Variants in IFT57 observed in about 807,000 individuals in gnomAD.
IFT57 encodes the protein intraflagellar transport 57, also known as intraflagellar transport protein 57 homolog.
Under a neutral mutation model 56.8 loss-of-function variants are expected in IFT57, and 59 were observed. The ratio of observed to expected loss-of-function variants is 1.04; its 90% CI spans 0.84 to 1.29. The LOEUF (loss-of-function observed/expected upper bound fraction) is 1.29. Among genes scored for constraint, IFT57 ranks in the 50% most tolerant of loss-of-function variants. IFT57 has a pLI of 0.00. For synonymous variants in IFT57, 209 were observed against 186.1 expected (o/e 1.12, Z -1.00); for missense variants, 470 against 522.1 (o/e 0.90, Z 0.97).
intron 6 of IFT57, 125 bp downstream of exon 6, chr3:108,191,396 A>G: frequency 1.8e-6 from 1 of 562,530 alleles, no homozygotes; most frequent in East Asian, 3.2e-5. Flanking sequence ...TTATTAAGAC[A>G]AAATGCTGAA....
intron 1 of IFT57, among the ~76,000 whole-genome samples, chr3:108,220,960 T>C (rs570368095): frequency 1.4e-4 from 21 of 152,312 alleles, no homozygotes; most frequent in African/African-American, 4.6e-4. Flanking sequence ...ATTTTAAAAA[T>C]ATACTTGGAA....
intron 5 of IFT57, among the ~76,000 whole-genome samples, chr3:108,202,866 G>A (rs887385592): frequency 2.0e-5 from 3 of 152,172 alleles, no homozygotes; most frequent in Non-Finnish European, 2.9e-5. Flanking sequence ...ATCATCAGTA[G>A]GAGGAACATA....
chr3:108,189,453 T>G (rs567603479), intron 6 of IFT57, among the ~76,000 whole-genome samples: 1 of 152,284 alleles, frequency 6.6e-6, no homozygotes, highest in Admixed American at 6.5e-5. Flanking sequence ...ACAGCAATGT[T>G]TGTAAGATTT....
chr3:108,179,117 A>G (rs1038391605), intron 6 of IFT57, among the ~76,000 whole-genome samples: 1 of 151,890 alleles, frequency 6.6e-6, no homozygotes, highest in African/African-American at 2.4e-5. Flanking sequence ...TGCTGACCAT[A>G]CTTTCTGTAG....
chr3:108,171,329 C>T (rs1577047738), intron 6 of IFT57, among the ~76,000 whole-genome samples: 2 of 151,900 alleles, frequency 1.3e-5, no homozygotes, highest in East Asian at 1.9e-4. Context: ...TGGATAGAAG[C>T]CAAATGTAGT....
intron 6 of IFT57, 41 bp downstream of exon 6, chr3:108,191,480 C>T (rs1179635950): frequency 1.7e-6 from 2 of 1,189,072 alleles, no homozygotes; most frequent in South Asian, 1.7e-5. Context: ...TTCCTTATAA[C>T]TTTTTTTTTT....
Position 108,214,000 on chromosome 3 carries a change from T to C in IFT57, c.516A>G (p.Glu172=). 6.2e-7 allele frequency: 1 copy of C among 1,602,310 alleles called. No homozygotes were observed. The highest frequency in any genetic ancestry group is 8.5e-7 in the Non-Finnish European group (1 of 1,169,630). Residue 172 remains glutamate, a synonymous_variant, in exon 4 of 11, where the codon GAA becomes GAG. Coordinates refer to ENST00000264538, the MANE Select transcript of IFT57 (RefSeq NM_018010.4). The part of the protein sequence containing the change: ...TWKRPIYPVE[E]LEEESVAEDD... ...CTTCTGCAACGCTTTCTTCTTCTAA[T>C]TCTTCTACTGGGTATATTGGCCTAA...
At chr3:108,163,098 A>G (rs879403545) in intron 10 of IFT57, among the ~76,000 whole-genome samples, 9 of 152,150 alleles carry the variant, frequency 5.9e-5, no homozygotes, top group Non-Finnish European at 1.2e-4. Context: ...GTATATATCA[A>G]TAGAACTCTA....
chr3:108,163,173 G>C (rs1371552808), intron 10 of IFT57, among the ~76,000 whole-genome samples: 1 of 152,064 alleles, frequency 6.6e-6, no homozygotes, highest in Non-Finnish European at 1.5e-5. Flanking sequence ...AAAGTAACCT[G>C]CTCACAATGG....
chr3:108,165,326 G>T, intron 9 of IFT57, 105 bp downstream of exon 9: 1 of 803,138 alleles, frequency 1.2e-6, no homozygotes, highest in Non-Finnish European at 2.2e-6. Context: ...ATGATTTAAA[G>T]GCACAGGAAG....
intron 4 of IFT57, among the ~76,000 whole-genome samples, chr3:108,213,481 A>G (rs891890740): frequency 2.0e-5 from 3 of 152,212 alleles, no homozygotes; most frequent in African/African-American, 7.2e-5. Context: ...CAAACAACTT[A>G]AATAATGTTG....
chr3:108,194,280 C>T (rs1415459290), intron 5 of IFT57, among the ~76,000 whole-genome samples: 1 of 151,828 alleles, frequency 6.6e-6, no homozygotes, highest in Non-Finnish European at 1.5e-5. Flanking sequence ...TAGGAATAAA[C>T]TTAATCAAAG....
rs149049643 is a variant in IFT57 at position 108,166,880 on chromosome 3, G to A, written c.955C>T (p.Arg319Cys). 9 of 1,611,002 alleles carry A rather than the reference G, an allele frequency of 5.6e-6. No homozygotes were observed. The highest frequency in any genetic ancestry group is 7.6e-6 in the Non-Finnish European group (9 of 1,178,368). ...TCACTCAGCTGGGCTTGAGCTGCAC[G>A]ATATTCTTGAACCAAATTCTCAAGC... is the stretch of plus-strand genomic sequence containing the variant. ...NQLENLVQEYRAAQAQLSEAK... is the reference protein window; with the variant it reads ...NQLENLVQEYCAAQAQLSEAK... Residue 319 changes from arginine to cysteine, a missense_variant, in exon 8 of 11, where the codon CGT becomes TGT. Arg to Cys is a radical substitution (Grantham distance 180). Transcript: ENST00000264538.
intron 5 of IFT57, among the ~76,000 whole-genome samples, chr3:108,197,297 T>C (rs917995299): frequency 3.3e-5 from 5 of 152,222 alleles, no homozygotes; most frequent in Admixed American, 2.6e-4. Flanking sequence ...ATTTAAATGC[T>C]GCCTGCAGAG....
chr3:108,166,965 A>G lies in IFT57; in HGVS notation c.870T>C (p.His290=). The change falls in exon 8 of 11, where the codon CAT becomes CAC. Residue 290 remains histidine (H), a synonymous_variant. Transcript: ENST00000264538. The part of the protein sequence containing the change: ...KETKGFLDKL[H]NEITRTLEKI... ...TTTCCAAAGTCCTAGTAATTTCATT[A>G]TGGAGTTTGTCCAAAAATCCCTAGA... The G allele has an allele frequency of 6.2e-7, 1 of 1,608,706 alleles. No individual in the cohort carries two copies. The highest frequency in any genetic ancestry group is 1.1e-5 in the South Asian group (1 of 90,024).
intron 6 of IFT57, among the ~76,000 whole-genome samples, chr3:108,183,284 A>G (rs1199845824): frequency 2.0e-5 from 3 of 152,168 alleles, no homozygotes; most frequent in Non-Finnish European, 4.4e-5. Context: ...TGAGACACTA[A>G]TTGTACAAAT....
At chr3:108,213,311 A>T (rs549085388) in intron 4 of IFT57, among the ~76,000 whole-genome samples, 1 of 151,620 alleles carries the variant, frequency 6.6e-6, no homozygotes, top group African/African-American at 2.4e-5. Context: ...TTTTCCCCCA[A>T]CCATTTCTGC....
chr3:108,195,604 C>G (rs1463063523), intron 5 of IFT57, among the ~76,000 whole-genome samples: 2 of 151,884 alleles, frequency 1.3e-5, no homozygotes, highest in African/African-American at 4.8e-5. Flanking sequence ...ATAAAGAAAA[C>G]AAGGTATATA....
chr3:108,196,567 G>A (rs1406070596), intron 5 of IFT57, among the ~76,000 whole-genome samples: 4 of 152,120 alleles, frequency 2.6e-5, no homozygotes, highest in African/African-American at 7.2e-5. Flanking sequence ...GGGCCCTTTA[G>A]TAAGTTGCAT....
Sources: gnomAD v4.1 joint callset for allele counts (sites outside exome capture counted in the v4.1 genomes callset) on GRCh38, gnomAD v4.1.1 for gene constraint, MANE v1.5 for transcripts, NCBI Gene and HGNC (gene_info 2026-07-23, HGNC 2026-07-21) for gene names.